The following CDH1 variants were observed in gnomAD, a reference collection of about 807,000 sequenced individuals.
The protein encoded by CDH1 is cadherin-1.
CDH1 carries 35 observed loss-of-function variants against 84.5 expected under a neutral mutation model. The ratio of observed to expected loss-of-function variants is 0.41; its 90% confidence interval spans 0.32 to 0.55. The LOEUF is 0.55. CDH1 is among the 20% of genes least tolerant of loss of function. The probability of loss-of-function intolerance (pLI) is 0.19; values close to 1 mark genes in which losing one functional copy is unlikely to be tolerated. For missense variants in CDH1, 994 were observed against 1,126.6 expected (o/e 0.88, Z 1.68); for synonymous variants, 417 against 439.0 (o/e 0.95, Z 0.63).
intron 2 of CDH1, among the ~76,000 whole-genome samples, chr16:68,742,316 G>A (rs1312445935): frequency 1.3e-5 from 2 of 150,264 alleles, no homozygotes; most frequent in African/African-American, 4.9e-5. Context: ...GTCTCGCTCT[G>A]TTGCCCAGAC....
At chr16:68,813,564 T>A (rs764843121) in intron 9 of CDH1, 69 bp downstream of exon 9, 12 of 1,474,302 alleles carry the variant, frequency 8.1e-6, no homozygotes, top group Non-Finnish European at 1.1e-5. Context: ...TGTCCCCTGG[T>A]ATCTTCTTAG....
chr16:68,765,278 C>T (rs908224336), intron 2 of CDH1: 1 of 152,374 alleles, frequency 6.6e-6, no homozygotes. Context: ...ACCTCTGCCT[C>T]CTGGGTTCAA....
intron 2 of CDH1, among the ~76,000 whole-genome samples, chr16:68,777,372 C>T (rs1959760030): frequency 1.3e-5 from 2 of 152,108 alleles, no homozygotes; most frequent in African/African-American, 4.8e-5. Flanking sequence ...GTACCTAATT[C>T]ATACTATTAT....
intron 2 of CDH1, among the ~76,000 whole-genome samples, chr16:68,782,397 G>C (rs1363578362): frequency 2.0e-5 from 3 of 152,234 alleles, no homozygotes; most frequent in African/African-American, 7.2e-5. Flanking sequence ...AGGAGCGGCA[G>C]CTTACCACAT....
Position 68,759,483 on chromosome 16 carries a change from C to G in CDH1, c.163+21072C>G, listed in dbSNP as rs866680543. Among the ~76,000 whole-genome samples, 433 of 145,654 alleles carry G rather than the reference C, an allele frequency of 3.0e-3. 1 individual carries two copies. The highest frequency in any genetic ancestry group is 0.01 in the African/African-American group (410 of 39,810). On this transcript the variant is annotated intron_variant, in intron 2 of 15. Transcript: ENST00000261769. ...TACTATGGCAATTCCATTTTCTTTT[C>G]TTTCTTTTTTTTTTTTTTTTGGTTG...
At chr16:68,779,816 G>A (rs2152121816) in intron 2 of CDH1, among the ~76,000 whole-genome samples, 2 of 152,324 alleles carry the variant, frequency 1.3e-5, no homozygotes, top group East Asian at 3.9e-4. Flanking sequence ...TCACACCACT[G>A]CACTCCAGCC....
In CDH1 at chr16:68,807,348, C is replaced by G. The variant is rs562852616; in HGVS notation, c.388-1076C>G. Among the ~76,000 whole-genome samples the G allele has an allele frequency of 1.4e-3, 215 of 152,186 alleles. 1 individual carries two copies. The highest frequency in any genetic ancestry group is 2.4e-3 in the Non-Finnish European group (166 of 67,998). ...AAAATCTACTTGTTTTGGGATAACT[C>G]CACGTTGAGGACCTGTGTCCCCAAG... On this transcript the variant is annotated intron_variant, in intron 3 of 15. Transcript: ENST00000261769.
chr16:68,756,601 G>A (rs1391922474), intron 2 of CDH1, among the ~76,000 whole-genome samples: 2 of 152,118 alleles, frequency 1.3e-5, no homozygotes, highest in East Asian at 3.9e-4. Context: ...TCATGTGGCT[G>A]GTTTCATTAC....
chr16:68,796,733 T>C (rs529980937), intron 2 of CDH1, among the ~76,000 whole-genome samples: 5 of 151,902 alleles, frequency 3.3e-5, no homozygotes, highest in East Asian at 1.9e-4. Context: ...AAAAACACTT[T>C]TTAAAAGTCA....
rs1060501229 is a variant in CDH1 at position 68,808,444 on chromosome 16, A to G, written c.408A>G (p.Gln136=). The G allele has an allele frequency of 3.1e-6, 5 of 1,614,154 alleles. No individual in the cohort carries two copies. Among genetic ancestry groups the G allele is most frequent in the African/African-American group, 1.3e-5 (1 of 75,046 alleles). Reference sequence around the variant, plus strand: ...TTTAGGCCTCCGTTTCTGGAATCCAAGCAGAATTGCTCACATTTCCCAACT... The same window carrying G: ...TTTAGGCCTCCGTTTCTGGAATCCAGGCAGAATTGCTCACATTTCCCAACT... The part of the protein sequence containing the change: ...PPHQASVSGI[Q]AELLTFPNSS... Residue 136 remains glutamine, a synonymous_variant, in exon 4 of 16, where the codon CAA becomes CAG. Coordinates refer to ENST00000261769, the MANE Select transcript of CDH1 (RefSeq NM_004360.5).
chr16:68,781,623 A>G (rs1385368469), intron 2 of CDH1, among the ~76,000 whole-genome samples: 1 of 152,076 alleles, frequency 6.6e-6, no homozygotes, highest in African/African-American at 2.4e-5. Context: ...ACAGGCATGC[A>G]ACACCATGCC....
At chr16:68,831,052 G>A (rs1961468817) in intron 15 of CDH1, among the ~76,000 whole-genome samples, 1 of 141,654 alleles carries the variant, frequency 7.1e-6, no homozygotes. Flanking sequence ...GGTGAGGTCT[G>A]TGTTTGCTTT....
At chr16:68,814,883 G>A (rs1190660765) in intron 9 of CDH1, among the ~76,000 whole-genome samples, 1 of 147,438 alleles carries the variant, frequency 6.8e-6, no homozygotes, top group Non-Finnish European at 1.5e-5. Context: ...TCATGCCACT[G>A]TACTCCAACC....
At chr16:68,802,753 G>A (rs1320121582) in intron 3 of CDH1, among the ~76,000 whole-genome samples, 1 of 152,144 alleles carries the variant, frequency 6.6e-6, no homozygotes, top group African/African-American at 2.4e-5. Flanking sequence ...TTACAGGAGT[G>A]AGCCACTGCG....
At chr16:68,737,522 G>A in intron 1 of CDH1, 59 bp downstream of exon 1, 1 of 1,301,362 alleles carries the variant, frequency 7.7e-7, no homozygotes, top group East Asian at 2.5e-5. Flanking sequence ...CCGCGCCCCA[G>A]CCCTGCGCCC....
In CDH1 at chr16:68,811,790, C is replaced by A. The variant is rs955528859; in HGVS notation, c.939C>A (p.Asp313Glu). The A allele has an allele frequency of 1.9e-6, 3 of 1,614,142 alleles. No individual in the cohort carries two copies. The highest frequency in any genetic ancestry group is 2.5e-6 in the Non-Finnish European group (3 of 1,180,038). The change falls in exon 7 of 16, where the codon GAC becomes GAA. Residue 313 changes from aspartate (D) to glutamate (E), a missense_variant. Coordinates refer to ENST00000261769, the MANE Select transcript of CDH1 (RefSeq NM_004360.5). ...TILSQDPELP[D>E]KNMFTINRNT... The stretch of plus-strand genomic sequence containing the variant: ...TCAGCCAAGATCCTGAGCTCCCTGA[C>A]AAAAATATGTTCACCATTAACAGGA...
chr16:68,806,122 ATATTTATTTATT>A (rs200148272), intron 3 of CDH1, among the ~76,000 whole-genome samples: 64,065 of 143,984 alleles, frequency 0.44, 15,083 homozygotes, highest in East Asian at 0.59. Flanking sequence ...TAATTTTTGT[ATATTTATTTATT>A]TATTTATTTA....
intron 2 of CDH1, among the ~76,000 whole-genome samples, chr16:68,777,419 G>A (rs1959761262): frequency 1.3e-5 from 2 of 152,208 alleles, no homozygotes; most frequent in East Asian, 3.9e-4. Context: ...CTGGCATGCA[G>A]TGTGCTCTAG....
Position 68,810,183 on chromosome 16 carries a change from C to T in CDH1, c.688-14C>T, listed in dbSNP as rs189969617. 57 of 1,614,122 alleles carry T rather than the reference C, an allele frequency of 3.5e-5. No homozygotes were observed. The East Asian group carries it at 5.3e-4, about 15-fold the overall frequency. ...CTCATCAGAGCTCAAGTCACCCTCACTTGGTTCTTTCAGCTCTTCTCTCAC... is the reference window on the plus strand; with the variant it reads ...CTCATCAGAGCTCAAGTCACCCTCATTTGGTTCTTTCAGCTCTTCTCTCAC... On this transcript the variant is annotated splice_polypyrimidine_tract_variant and intron_variant, in intron 5 of 15. Coordinates refer to ENST00000261769, the MANE Select transcript of CDH1 (RefSeq NM_004360.5).
Sources: gnomAD v4.1 joint callset for allele counts (sites outside exome capture counted in the v4.1 genomes callset) on GRCh38, gnomAD v4.1.1 for gene constraint, MANE v1.5 for transcripts, NCBI Gene and HGNC (gene_info 2026-07-23, HGNC 2026-07-21) for gene names.